LIX1L: variants seen among roughly 807,000 people sequenced by gnomAD.
LIX1L encodes limb and CNS expressed 1 like, also known as LIX1-like protein.
LIX1L carries 20 observed loss-of-function variants against 34.0 expected under a neutral mutation model. That is an observed-to-expected ratio of 0.59 (90% CI 0.41 to 0.85). LIX1L has a LOEUF of 0.85. Among genes scored for constraint, LIX1L ranks in the 40% least tolerant of loss-of-function variants. The pLI is 0.00. For synonymous variants in LIX1L, 170 were observed against 187.4 expected, an observed-to-expected ratio of 0.91 and a Z score of 0.76; for missense variants, 397 against 447.0, an observed-to-expected ratio of 0.89 and a Z score of 1.01.
At chr1:145,956,828 C>G (rs1336435737) in intron 1 of LIX1L, among the ~76,000 whole-genome samples, 1 of 152,196 alleles carries the variant, frequency 6.6e-6, no homozygotes, top group Non-Finnish European at 1.5e-5. Flanking sequence ...CCTCACATCC[C>G]TCTTTCCAGA....
chr1:145,936,523 G>T lies in LIX1L; in HGVS notation c.801C>A (p.Ala267=). The T allele has an allele frequency of 6.2e-7, 1 of 1,614,094 alleles. No individual in the cohort carries two copies. Among genetic ancestry groups the T allele is most frequent in the Non-Finnish European group, 8.5e-7 (1 of 1,180,020 alleles). Residue 267 remains alanine, a synonymous_variant, in exon 6 of 6, where the codon GCC becomes GCA. Coordinates refer to ENST00000604000, the MANE Select transcript of LIX1L (RefSeq NM_153713.3). Reference sequence around the variant, plus strand: ...TTTGGTGGCGAATATCATCATCCAGGGCCCGGTGCGAATAATGAGCCAACA... The same window carrying T: ...TTTGGTGGCGAATATCATCATCCAGTGCCCGGTGCGAATAATGAGCCAACA... The part of the protein sequence containing the change: ...QEVLAHYSHR[A]LDDDIRHQMA...
At chr1:145,943,638 T>C (rs1273161439) in intron 2 of LIX1L, among the ~76,000 whole-genome samples, 1 of 152,208 alleles carries the variant, frequency 6.6e-6, no homozygotes, top group Non-Finnish European at 1.5e-5. Flanking sequence ...GCCACCATAG[T>C]ATTCCTTTAT....
At chr1:145,938,136 A>C (rs942094859) in intron 3 of LIX1L, among the ~76,000 whole-genome samples, 2 of 151,826 alleles carry the variant, frequency 1.3e-5, no homozygotes, top group Admixed American at 6.6e-5. Flanking sequence ...AAAAAAAAAA[A>C]CAAGTAAAAT....
Position 145,947,694 on chromosome 1 carries a change from C to G in LIX1L, c.381G>C (p.Glu127Asp). The G allele has an allele frequency of 1.2e-6, 2 of 1,614,184 alleles. No homozygotes were observed. The highest frequency in any genetic ancestry group is 1.7e-6 in the Non-Finnish European group (2 of 1,180,018). Residue 127 changes from glutamate (E) to aspartate (D), a missense_variant, in exon 2 of 6, where the codon GAG becomes GAC. This residue lies in a region of LIX1L where 207 missense variants were observed against 205.2 expected (regional missense o/e 1.01). Coordinates refer to ENST00000604000, the MANE Select transcript of LIX1L (RefSeq NM_153713.3). ...AAGGAGGGCTGTTGGAGGGAACCAT[C>G]TCATAAACCACTAGAGCCCCATTCT... ...DLKNGALVVY[E>D]MVPSNSPPYV...
In LIX1L at chr1:145,938,134, AAAC is replaced by A. The variant is rs1307210724; in HGVS notation, c.598-438_598-436del. Among the ~76,000 whole-genome samples the A allele has an allele frequency of 8.5e-5, 13 of 152,204 alleles. No individual in the cohort carries two copies. In the East Asian group the frequency reaches 2.3e-3, roughly 27 times the overall value. ...GAGACTCTGTCTCAGAAAAAAAAAA[AAAC>A]AAGTAAAATTAATTTTAATAATATA... is the stretch of plus-strand genomic sequence containing the variant. On this transcript the variant is annotated intron_variant, in intron 3 of 5. Transcript: ENST00000604000.
chr1:145,934,348 C>G lies in LIX1L; in HGVS notation c.*1962G>C, dbSNP rs587646439. 1 of 151,062 alleles carries G rather than the reference C, an allele frequency of 6.6e-6. No homozygotes were observed. Among genetic ancestry groups the G allele is most frequent in the Non-Finnish European group, 1.5e-5 (1 of 67,670 alleles). 9.4% of individuals were successfully genotyped at this position (151,062 alleles called of 1,614,324 possible). ...CAGCACTTTGGGAGGCCGAGGCGGG[C>G]GGATCACGAAGTCAGGAAATCGAGA... On this transcript the variant is annotated 3_prime_UTR_variant, in exon 6 of 6. Transcript: ENST00000604000.
chr1:145,956,204 G>C (rs1553760336), intron 1 of LIX1L, among the ~76,000 whole-genome samples: 1 of 152,176 alleles, frequency 6.6e-6, no homozygotes. Context: ...CAGAGTTCCT[G>C]TCTTATAATA....
chr1:145,956,893 G>T (rs1649490477), intron 1 of LIX1L, among the ~76,000 whole-genome samples: 1 of 152,154 alleles, frequency 6.6e-6, no homozygotes. Context: ...CATTTCCACA[G>T]AATTTAACAT....
rs976937079 is a variant in LIX1L at position 145,957,877 on chromosome 1, C to T, written c.51G>A (p.Gly17=). ...QRLQPGVGTS[G]RGTLRALRPG... ...GCCGCAGCGCTCGGAGAGTGCCCCT[C>T]CCGCTGGTGCCCACACCAGGCTGCA... The change falls in exon 1 of 6, where the codon GGG becomes GGA. Residue 17 remains glycine, a synonymous_variant. Coordinates refer to ENST00000604000, the MANE Select transcript of LIX1L (RefSeq NM_153713.3). The T allele has an allele frequency of 1.4e-6, 2 of 1,477,192 alleles. No homozygotes were observed. The highest frequency in any genetic ancestry group is 2.9e-5 in the East Asian group (1 of 34,198). The allele number at this position is 1,477,192 out of a possible 1,614,324, so 91.5% of individuals were successfully genotyped here. A position where few individuals can be genotyped will look rare whatever the true frequency, so the allele number is the denominator to read the frequency against.
rs782704417 is a variant in LIX1L, at chr1:145,942,746, C to T, written c.564G>A (p.Glu188=). Residue 188 remains glutamate, a synonymous_variant, in exon 3 of 6, where the codon GAG becomes GAA. Transcript: ENST00000604000. Reference sequence around the variant, plus strand: ...ATGCCAGGGCCTCAGAGACACTCTTCTCGATGAACTCATCAGTGATTCTTC... The same window carrying T: ...ATGCCAGGGCCTCAGAGACACTCTTTTCGATGAACTCATCAGTGATTCTTC... ...PSRRITDEFI[E]KSVSEALASF... 1 of 1,614,178 alleles carries T rather than the reference C, an allele frequency of 6.2e-7. No homozygotes were observed. The highest frequency in any genetic ancestry group is 8.5e-7 in the Non-Finnish European group (1 of 1,180,004).
rs1280166546 is a variant in LIX1L, at chr1:145,936,127, C to T, written c.*183G>A. ...GAAGATGTTTCAAATAAAACTACAT[C>T]CAAAAACTGGTAGTAAGAAAAGGGA... On this transcript the variant is annotated 3_prime_UTR_variant, in exon 6 of 6. Transcript: ENST00000604000. 2 of 669,288 alleles carry T rather than the reference C, an allele frequency of 3.0e-6. No individual in the cohort carries two copies. Among genetic ancestry groups the T allele is most frequent in the Non-Finnish European group, 4.8e-6 (2 of 415,576 alleles). 41.5% of individuals were successfully genotyped at this position (669,288 alleles called of 1,614,324 possible). A position where few individuals can be genotyped will look rare whatever the true frequency, so the allele number is the denominator to read the frequency against.
At chr1:145,957,249 T>C (rs781803091) in intron 1 of LIX1L, among the ~76,000 whole-genome samples, 1 of 152,060 alleles carries the variant, frequency 6.6e-6, no homozygotes, top group Non-Finnish European at 1.5e-5. Context: ...GAGGAAAGAC[T>C]GAGAGGGTAT....
chr1:145,950,034 T>A (rs587593788), intron 1 of LIX1L, among the ~76,000 whole-genome samples: 1 of 152,210 alleles, frequency 6.6e-6, no homozygotes, highest in Admixed American at 6.5e-5. Flanking sequence ...CAGGCTGGTC[T>A]CAAACTCCTG....
At chr1:145,939,558 CA>C (rs1181777186) in intron 3 of LIX1L, among the ~76,000 whole-genome samples, 2 of 151,966 alleles carry the variant, frequency 1.3e-5, no homozygotes, top group Non-Finnish European at 2.9e-5. Context: ...CTGCTCACCT[CA>C]GCCTTCCAAA....
intron 2 of LIX1L, 61 bp from the exon 3 acceptor site, chr1:145,942,914 CA>C: frequency 6.6e-7 from 1 of 1,521,890 alleles, no homozygotes; most frequent in Non-Finnish European, 9.1e-7. Context: ...GAGGAAGGAA[CA>C]GTGGGAGGGA....
intron 1 of LIX1L, among the ~76,000 whole-genome samples, chr1:145,955,206 C>T (rs1209764587): frequency 6.6e-6 from 1 of 152,198 alleles, no homozygotes; most frequent in Non-Finnish European, 1.5e-5. Flanking sequence ...TTACAAATCC[C>T]ATGCACTACA....
intron 2 of LIX1L, among the ~76,000 whole-genome samples, chr1:145,946,371 G>A (rs587730427): frequency 6.6e-6 from 1 of 151,820 alleles, no homozygotes; most frequent in Admixed American, 6.6e-5. Context: ...GCTAATTTTT[G>A]TATTTTTAGT....
Position 145,957,839 on chromosome 1 carries a change from C to T in LIX1L, c.89G>A (p.Gly30Glu). 7.0e-7 allele frequency: 1 copy of T among 1,422,082 alleles called. No homozygotes were observed. 88.1% of individuals were successfully genotyped at this position (1,422,082 alleles called of 1,614,324 possible). ...TLRALRPGVT[G>E]AAAATATPPA... Reference sequence around the variant, plus strand: ...GGGTGTGGCGGTGGCGGCCGCGGCCCCAGTCACTCCGGGCCGCAGCGCTCG... The same window carrying T: ...GGGTGTGGCGGTGGCGGCCGCGGCCTCAGTCACTCCGGGCCGCAGCGCTCG... The change falls in exon 1 of 6, where the codon GGG becomes GAG. Residue 30 changes from glycine to glutamate, a missense_variant. This residue lies in a region of LIX1L where 207 missense variants were observed against 205.2 expected (regional missense o/e 1.01). Transcript: ENST00000604000.
At chr1:145,955,012 T>C (rs782324681) in intron 1 of LIX1L, among the ~76,000 whole-genome samples, 2 of 152,250 alleles carry the variant, frequency 1.3e-5, no homozygotes, top group African/African-American at 4.8e-5. Context: ...TCTTTATACA[T>C]GCTCTGTAAT....
Sources: gnomAD v4.1 joint callset for allele counts (sites outside exome capture counted in the v4.1 genomes callset) on GRCh38, gnomAD v4.1.1 for gene constraint, gnomAD v4.1.1 regional missense constraint, MANE v1.5 for transcripts, NCBI Gene and HGNC (gene_info 2026-07-23, HGNC 2026-07-21) for gene names.